The following DPY19L4 variants were observed in gnomAD, a reference collection of about 807,000 sequenced individuals.
The protein encoded by DPY19L4 is probable C-mannosyltransferase DPY19L4.
Under a neutral mutation model 102.8 loss-of-function variants are expected in DPY19L4, and 97 were observed. That is an observed-to-expected ratio of 0.94 (90% CI 0.80 to 1.12). DPY19L4 has a LOEUF of 1.12. DPY19L4 is among the 50% of genes most tolerant of loss of function. DPY19L4 has a pLI of 0.00. For missense variants in DPY19L4, 815 were observed against 850.4 expected (o/e 0.96, Z 0.52); for synonymous variants, 252 against 283.1 (o/e 0.89, Z 1.10).
chr8:94,749,644 A>T (rs1309845165), intron 6 of DPY19L4, among the ~76,000 whole-genome samples: 1 of 152,218 alleles, frequency 6.6e-6, no homozygotes, highest in Non-Finnish European at 1.5e-5. Flanking sequence ...GGGTTTCCAA[A>T]TAAGGAATGG....
At chr8:94,766,573 C>T (rs1283937745) in intron 10 of DPY19L4, 39 bp from the exon 11 acceptor site, 2 of 1,585,306 alleles carry the variant, frequency 1.3e-6, no homozygotes, top group Admixed American at 3.4e-5. Flanking sequence ...GTAAGCATAG[C>T]TAATATTTCT....
chr8:94,734,903 A>G, intron 3 of DPY19L4, 149 bp downstream of exon 3: 1 of 1,039,292 alleles, frequency 9.6e-7, no homozygotes, highest in Non-Finnish European at 1.4e-6. Context: ...TACAGTATCA[A>G]CCTTAAAATA....
At chr8:94,784,861 G>T (rs541914859) in intron 17 of DPY19L4, among the ~76,000 whole-genome samples, 1 of 152,162 alleles carries the variant, frequency 6.6e-6, no homozygotes, top group Non-Finnish European at 1.5e-5. Context: ...TATTGACTCA[G>T]TATAACATTA....
intron 14 of DPY19L4, among the ~76,000 whole-genome samples, chr8:94,779,161 G>A (rs1416784026): frequency 1.3e-5 from 2 of 150,914 alleles, no homozygotes; most frequent in Non-Finnish European, 2.9e-5. Context: ...ACTATGTCAG[G>A]TACTGTTTGA....
intron 13 of DPY19L4, among the ~76,000 whole-genome samples, chr8:94,772,947 C>T (rs192834652): frequency 6.6e-6 from 1 of 152,240 alleles, no homozygotes; most frequent in East Asian, 1.9e-4. Flanking sequence ...CATGGTGGCT[C>T]ATGCCTGTAA....
At chr8:94,766,856 C>A (rs1247142175) in intron 11 of DPY19L4, among the ~76,000 whole-genome samples, 171 bp downstream of exon 11, 1 of 151,708 alleles carries the variant, frequency 6.6e-6, no homozygotes, top group African/African-American at 2.4e-5. Context: ...CCAGTCTGGG[C>A]AACATGGCAA....
rs1812148860 is a variant in DPY19L4 at position 94,756,044 on chromosome 8, C to A, written c.620C>A (p.Thr207Lys). The A allele has an allele frequency of 6.8e-6, 11 of 1,610,224 alleles. No individual in the cohort carries two copies. The highest frequency in any genetic ancestry group is 1.7e-5 in the Admixed American group (1 of 59,370). Residue 207 changes from threonine (T) to lysine (K), a missense_variant, in exon 7 of 19, where the codon ACA (threonine) becomes AAA (lysine). By Grantham distance (78) the Thr-to-Lys change is moderately conservative. Transcript: ENST00000414645. ...VAWFVINRVD[T>K]TRIEYSIPLR... ...TCTGTGGTTTATTTTAGGGTAGATA[C>A]AACAAGAATTGAATACTCCATTCCT...
intron 6 of DPY19L4, among the ~76,000 whole-genome samples, chr8:94,754,634 G>A (rs547285522): frequency 5.3e-5 from 8 of 152,124 alleles, no homozygotes; most frequent in Non-Finnish European, 8.8e-5. Context: ...TTATTTTTGT[G>A]TAGAAAATAG....
chr8:94,772,197 G>A (rs968618665), intron 13 of DPY19L4, among the ~76,000 whole-genome samples: 5 of 151,820 alleles, frequency 3.3e-5, no homozygotes. Context: ...TACTCTTTTA[G>A]CAATAGTGGG....
chr8:94,780,298 T>C, intron 14 of DPY19L4, 61 bp from the exon 15 acceptor site: 1 of 1,247,008 alleles, frequency 8.0e-7, no homozygotes, highest in South Asian at 2.3e-5. Context: ...CAGTGTCTAT[T>C]ACCTCTAACG....
chr8:94,764,637 T>TTA (rs1208998338), intron 8 of DPY19L4, among the ~76,000 whole-genome samples: 4 of 140,718 alleles, frequency 2.8e-5, no homozygotes, highest in African/African-American at 7.9e-5. Context: ...TACATATATA[T>TTA]TATATATATA....
intron 3 of DPY19L4, among the ~76,000 whole-genome samples, chr8:94,736,611 A>G (rs1811199300): frequency 6.6e-6 from 1 of 152,174 alleles, no homozygotes; most frequent in Non-Finnish European, 1.5e-5. Context: ...TAGATTCATA[A>G]AATTTTGATT....
Position 94,768,396 on chromosome 8 carries a change from A to T in DPY19L4, c.1177A>T (p.Asn393Tyr). The T allele has an allele frequency of 6.3e-7, 1 of 1,591,886 alleles. No individual in the cohort carries two copies. The highest frequency in any genetic ancestry group is 8.5e-7 in the Non-Finnish European group (1 of 1,174,140). Residue 393 changes from asparagine (N) to tyrosine (Y), a missense_variant and splice_region_variant, in exon 12 of 19, where the codon AAT (asparagine) becomes TAT (tyrosine). Asn to Tyr is a moderately radical substitution (Grantham distance 143). Coordinates refer to ENST00000414645, the MANE Select transcript of DPY19L4 (RefSeq NM_181787.3). ...TATCATACTTTTTGTCTTCTATAGG[A>T]ATTTTACAATGAATTGGCTCCTCTG... ...EVKFGLNMTK[N>Y]FTMNWLLCQE...
chr8:94,731,008 G>T (rs1263892392), intron 2 of DPY19L4, among the ~76,000 whole-genome samples: 1 of 144,710 alleles, frequency 6.9e-6, no homozygotes, highest in African/African-American at 2.6e-5. Flanking sequence ...GCCTCCCAAA[G>T]TGCTGGGATT....
chr8:94,750,363 A>G (rs1811863929), intron 6 of DPY19L4, among the ~76,000 whole-genome samples: 1 of 152,246 alleles, frequency 6.6e-6, no homozygotes, highest in African/African-American at 2.4e-5. Context: ...TTCTTGAAGT[A>G]TGTTTATTGA....
chr8:94,750,651 T>A (rs1047412518), intron 6 of DPY19L4, among the ~76,000 whole-genome samples: 3 of 152,142 alleles, frequency 2.0e-5, no homozygotes, highest in African/African-American at 7.2e-5. Flanking sequence ...ACAGCTTTAT[T>A]GAGGTATAAT....
chr8:94,738,375 G>C lies in DPY19L4; in HGVS notation c.259G>C (p.Glu87Gln). 6.6e-7 allele frequency: 1 copy of C among 1,512,072 alleles called. No homozygotes were observed. Among genetic ancestry groups the C allele is most frequent in the Non-Finnish European group, 8.8e-7 (1 of 1,130,902 alleles). 93.7% of individuals were successfully genotyped at this position (1,512,072 alleles called of 1,614,324 possible). Residue 87 changes from glutamate (E) to glutamine (Q), a missense_variant, in exon 4 of 19, where the codon GAA (glutamate) becomes CAA (glutamine). Transcript: ENST00000414645. ...KFWFSNRQEL[E>Q]REITFQGDSA... Reference sequence around the variant, plus strand: ...TAATTTCATTTTCTTTTAGGAGCTTGAACGGGAAATCACGTTTCAGGGTGA... The same window carrying C: ...TAATTTCATTTTCTTTTAGGAGCTTCAACGGGAAATCACGTTTCAGGGTGA...
intron 16 of DPY19L4, among the ~76,000 whole-genome samples, chr8:94,782,701 G>A (rs1298825102): frequency 6.6e-6 from 1 of 152,110 alleles, no homozygotes; most frequent in Non-Finnish European, 1.5e-5. Context: ...ATAGAAACAA[G>A]AATAGATTTT....
rs1235038148 is a variant in DPY19L4 at position 94,761,755 on chromosome 8, A to G, written c.791A>G (p.Glu264Gly). 6.2e-7 allele frequency: 1 copy of G among 1,612,180 alleles called. No individual in the cohort carries two copies. Among genetic ancestry groups the G allele is most frequent in the East Asian group, 2.2e-5 (1 of 44,760 alleles). The change falls in exon 8 of 19, where the codon GAG becomes GGG. Residue 264 changes from glutamate (E) to glycine (G), a missense_variant. Glu to Gly is a moderately conservative substitution (Grantham distance 98). Coordinates refer to ENST00000414645, the MANE Select transcript of DPY19L4 (RefSeq NM_181787.3). ...ACTTACACATTTATGATGATGTGGG[A>G]GTATAGCCACTATCTCCTGTTTCTT... Reference protein sequence around the residue: ...ASTYTFMMMWEYSHYLLFLQA... With the variant: ...ASTYTFMMMWGYSHYLLFLQA...
Sources: allele counts gnomAD v4.1 joint callset (sites outside exome capture counted in the v4.1 genomes callset), GRCh38; gene constraint gnomAD v4.1.1; transcripts MANE v1.5; gene names NCBI Gene and HGNC (gene_info 2026-07-23, HGNC 2026-07-21).